ZDHHC20: variants seen among roughly 807,000 people sequenced by gnomAD.
ZDHHC20 encodes palmitoyltransferase ZDHHC20.
ZDHHC20 carries 43 observed loss-of-function variants against 57.8 expected under a neutral mutation model. That is an observed-to-expected ratio of 0.74 (90% confidence interval 0.58 to 0.96). The LOEUF is 0.96. Ranked by LOEUF, ZDHHC20 falls within the 40% of genes least tolerant of loss-of-function variation. ZDHHC20 has a pLI of 0.00. For missense variants in ZDHHC20, 391 were observed against 441.1 expected (o/e 0.89, Z 1.02); for synonymous variants, 157 against 153.0 (o/e 1.03, Z -0.19).
At chr13:21,398,067 G>T (rs1877071884) in intron 7 of ZDHHC20, among the ~76,000 whole-genome samples, 1 of 152,126 alleles carries the variant, frequency 6.6e-6, no homozygotes, top group Non-Finnish European at 1.5e-5. Context: ...TTTTAAAAAT[G>T]AAAGAACAAA....
Position 21,375,030 on chromosome 13 carries a change from A to G in ZDHHC20, c.*1666T>C. On this transcript the variant is annotated 3_prime_UTR_variant, in exon 13 of 13. Coordinates refer to ENST00000400590, the MANE Select transcript of ZDHHC20 (RefSeq NM_001330059.2). ...GAGCCTGTAATCCCAGCTACTTGGG[A>G]GGCTGAGGCAGGAGACTCTATTGAA... 1 of 420,472 alleles carries G rather than the reference A, an allele frequency of 2.4e-6. No homozygotes were observed. 26.0% of individuals were successfully genotyped at this position (420,472 alleles called of 1,614,324 possible).
chr13:21,375,456 G>A lies in ZDHHC20; in HGVS notation c.*1240C>T, dbSNP rs746222095. ...TGGAGTTAATGCAACACCTCCTGTC[G>A]CTTAGATTTTAAAAGGAAAAAGGAG... On this transcript the variant is annotated 3_prime_UTR_variant, in exon 13 of 13. Transcript: ENST00000400590. 3.1e-5 allele frequency: 7 copies of A among 226,800 alleles called. No homozygotes were observed. Among genetic ancestry groups the A allele is most frequent in the South Asian group, 2.5e-4 (5 of 20,192 alleles). The allele number at this position is 226,800 out of a possible 1,614,324, so 14.0% of individuals were successfully genotyped here.
rs539062311 is a variant in ZDHHC20, at chr13:21,454,793, AGAC to A, written c.118+4258_118+4260del. On this transcript the variant is annotated intron_variant, in intron 1 of 12. Coordinates refer to ENST00000400590, the MANE Select transcript of ZDHHC20 (RefSeq NM_001330059.2). ...TCTAAATTTGAAGAAGTTATGCAGGAGACACAAGTAAATATTTAATACAGACTC... is the reference window on the plus strand; with the variant it reads ...TCTAAATTTGAAGAAGTTATGCAGGAACAAGTAAATATTTAATACAGACTC... 9.2e-5 allele frequency among the ~76,000 whole-genome samples: 14 copies of A among 152,336 alleles called. No individual in the cohort carries two copies. In the South Asian group the frequency reaches 2.9e-3, roughly 32 times the overall value.
At chr13:21,404,815 T>C (rs1191529199) in intron 4 of ZDHHC20, among the ~76,000 whole-genome samples, 1 of 150,816 alleles carries the variant, frequency 6.6e-6, no homozygotes, top group African/African-American at 2.4e-5. Context: ...GAAAAGAATA[T>C]ATATTTTCTT....
chr13:21,448,415 T>G (rs1437804425), intron 1 of ZDHHC20, among the ~76,000 whole-genome samples: 9 of 51,118 alleles, frequency 1.8e-4, no homozygotes, highest in Admixed American at 2.1e-4. Flanking sequence ...GGGAGGGAGG[T>G]GGGGGGGTCA....
chr13:21,383,294 A>C (rs2137659942), intron 9 of ZDHHC20, among the ~76,000 whole-genome samples: 1 of 152,270 alleles, frequency 6.6e-6, no homozygotes, highest in East Asian at 1.9e-4. Context: ...TGCTGTTCTC[A>C]TGATAATGCA....
At chr13:21,433,735 A>T (rs1882250896) in intron 1 of ZDHHC20, among the ~76,000 whole-genome samples, 1 of 152,182 alleles carries the variant, frequency 6.6e-6, no homozygotes, top group African/African-American at 2.4e-5. Flanking sequence ...GAACTTACAG[A>T]TCAACTTGGG....
At chr13:21,387,759 A>T in intron 8 of ZDHHC20, 125 bp from the exon 9 acceptor site, 2 of 480,216 alleles carry the variant, frequency 4.2e-6, no homozygotes, top group Non-Finnish European at 6.7e-6. Flanking sequence ...TAAAATAAAT[A>T]ATACATTAGT....
At chr13:21,380,105 G>A (rs1396199054) in intron 11 of ZDHHC20, among the ~76,000 whole-genome samples, 5 of 150,284 alleles carry the variant, frequency 3.3e-5, no homozygotes, top group East Asian at 4.0e-4. Flanking sequence ...ATGAGCCACC[G>A]TGCCCAGCCT....
chr13:21,379,185 C>CA (rs1872777850), intron 11 of ZDHHC20, among the ~76,000 whole-genome samples: 1 of 152,038 alleles, frequency 6.6e-6, no homozygotes, highest in African/African-American at 2.4e-5. Context: ...AAGACAACAA[C>CA]AAAAAAACCT....
At chr13:21,388,846 G>A (rs941465038) in intron 8 of ZDHHC20, among the ~76,000 whole-genome samples, 1 of 152,118 alleles carries the variant, frequency 6.6e-6, no homozygotes, top group Non-Finnish European at 1.5e-5. Flanking sequence ...AGGAATAATG[G>A]GAGAAAGTCT....
At chr13:21,445,715 C>T (rs1028033583) in intron 1 of ZDHHC20, among the ~76,000 whole-genome samples, 3 of 152,122 alleles carry the variant, frequency 2.0e-5, no homozygotes, top group Non-Finnish European at 1.5e-5. Context: ...CTATTGAGAA[C>T]ATATTATACC....
rs759493173 is a variant in ZDHHC20 at position 21,381,547 on chromosome 13, C to T, written c.947G>A (p.Ser316Asn). Residue 316 changes from serine to asparagine, a missense_variant and splice_region_variant, in exon 11 of 13, where the codon AGT becomes AAT. Transcript: ENST00000400590. Reference protein sequence around the residue: ...VTNQNEYARSSGSNQPFPIKP... With the variant: ...VTNQNEYARSNGSNQPFPIKP... Reference sequence around the variant, plus strand: ...GATAGGAAAAGGTTGATTTGAGCCACTACTGAAAAGAAGAGCAAACAACTT... The same window carrying T: ...GATAGGAAAAGGTTGATTTGAGCCATTACTGAAAAGAAGAGCAAACAACTT... 2 of 1,610,974 alleles carry T rather than the reference C, an allele frequency of 1.2e-6. No individual in the cohort carries two copies. Among genetic ancestry groups the T allele is most frequent in the African/African-American group, 2.7e-5 (2 of 74,826 alleles).
At chr13:21,444,044 T>C (rs1284516428) in intron 1 of ZDHHC20, among the ~76,000 whole-genome samples, 1 of 152,122 alleles carries the variant, frequency 6.6e-6, no homozygotes, top group East Asian at 1.9e-4. Flanking sequence ...TAGTCCCAGC[T>C]ACTTGGGAGG....
rs1408396415 is a variant in ZDHHC20, at chr13:21,373,995, A to T, written c.*2701T>A. ...TGCTGTGCTATTAAAGATGTTAAAT[A>T]ACAAAAATTAAAAGAACTGAGAAAG... On this transcript the variant is annotated 3_prime_UTR_variant, in exon 13 of 13. Coordinates refer to ENST00000400590, the MANE Select transcript of ZDHHC20 (RefSeq NM_001330059.2). 2 of 152,398 alleles carry T rather than the reference A, an allele frequency of 1.3e-5. No individual in the cohort carries two copies. Among genetic ancestry groups the T allele is most frequent in the African/African-American group, 4.8e-5 (2 of 41,474 alleles). 9.4% of individuals were successfully genotyped at this position (152,398 alleles called of 1,614,324 possible).
At chr13:21,379,422 C>T (rs988551273) in intron 11 of ZDHHC20, among the ~76,000 whole-genome samples, 5 of 152,052 alleles carry the variant, frequency 3.3e-5, no homozygotes, top group African/African-American at 9.7e-5. Context: ...GCTGGGACTA[C>T]AGACACATGC....
intron 7 of ZDHHC20, among the ~76,000 whole-genome samples, chr13:21,398,756 G>A (rs1447634184): frequency 6.6e-6 from 1 of 152,212 alleles, no homozygotes; most frequent in Non-Finnish European, 1.5e-5. Context: ...AATGAGGTTG[G>A]TTTGAGACGT....
chr13:21,420,999 C>T (rs1566094984), intron 3 of ZDHHC20, 62 bp downstream of exon 3: 2 of 1,372,808 alleles, frequency 1.5e-6, no homozygotes, highest in Non-Finnish European at 2.1e-6. Context: ...AAAGGTAACA[C>T]AAGGGAAAAA....
At chr13:21,421,218 A>G in intron 2 of ZDHHC20, 54 bp from the exon 3 acceptor site, 1 of 1,430,260 alleles carries the variant, frequency 7.0e-7, no homozygotes, top group Non-Finnish European at 9.8e-7. Flanking sequence ...AACAGCAAAA[A>G]GCATTACATT....
Sources: gnomAD v4.1 joint callset for allele counts (sites outside exome capture counted in the v4.1 genomes callset) on GRCh38, gnomAD v4.1.1 for gene constraint, MANE v1.5 for transcripts, NCBI Gene and HGNC (gene_info 2026-07-23, HGNC 2026-07-21) for gene names.